Variants in PHF24 observed in about 807,000 individuals in gnomAD.
The protein encoded by PHF24 is PHD finger protein 24, also known as Galpha inhibitory interacting protein.
PHF24 carries 25 observed loss-of-function variants against 42.6 expected under a neutral mutation model. That is an observed-to-expected ratio of 0.59 (90% CI 0.43 to 0.82). The LOEUF is 0.82. PHF24 is among the 40% of genes least tolerant of loss of function. The probability of loss-of-function intolerance (pLI) is 0.00; values close to 1 mark genes in which losing one functional copy is unlikely to be tolerated. For missense variants in PHF24, 470 were observed against 538.1 expected (o/e 0.87, Z 1.25); for synonymous variants, 185 against 204.8 (o/e 0.90, Z 0.83).
chr9:34,892,884 G>T, the PHF24 span: 25 of 700,526 alleles, frequency 3.6e-5, no homozygotes, highest in Admixed American at 3.4e-4. Flanking sequence ...TCCATTAATT[G>T]TGACAGTGTT....
chr9:34,811,943 CAAGA>C, the PHF24 span, among the ~76,000 whole-genome samples: 1 of 152,096 alleles, frequency 6.6e-6, no homozygotes, highest in Non-Finnish European at 1.5e-5. Flanking sequence ...TACAACTCAA[CAAGA>C]AAGAAACAAC....
At chr9:34,759,039 A>G in the PHF24 span, among the ~76,000 whole-genome samples, 7 of 152,144 alleles carry the variant, frequency 4.6e-5, no homozygotes. Context: ...ACTGCAGTCA[A>G]ATCTTAGCTG....
At chr9:34,953,875 G>GC (rs1157212504), upstream of PHF24, among the ~76,000 whole-genome samples, 1 of 152,172 alleles carries the variant, frequency 6.6e-6, no homozygotes, top group Non-Finnish European at 1.5e-5. This position sits in a 1 kb window ranked among gnomAD's most constrained non-coding sequence, Gnocchi z 4.1. Context: ...GGTCAAGGCT[G>GC]CAGTGAGCTG....
the PHF24 span, chr9:34,723,281 C>T: frequency 5.3e-3 from 8,232 of 1,551,706 alleles, 31 homozygotes; most frequent in Non-Finnish European, 6.0e-3. Flanking sequence ...AGGACAGTGA[C>T]GAGGGCAGTG....
chr9:34,773,923 T>C, the PHF24 span, among the ~76,000 whole-genome samples: 17 of 152,296 alleles, frequency 1.1e-4, no homozygotes, highest in East Asian at 3.1e-3. Context: ...GAAAATAGCA[T>C]TGGGTAAAAA....
chr9:34,709,764 T>A, the PHF24 span: 2 of 1,614,068 alleles, frequency 1.2e-6, no homozygotes, highest in Admixed American at 1.7e-5. Context: ...CCCACCCCTT[T>A]GTGTCCACTC....
At chr9:34,832,735 C>T in the PHF24 span, 1 of 1,549,026 alleles carries the variant, frequency 6.5e-7, no homozygotes, top group Non-Finnish European at 8.7e-7. Context: ...CCATGTAAAA[C>T]TTGGCATTGC....
the PHF24 span, among the ~76,000 whole-genome samples, chr9:34,920,036 T>C: frequency 1.3e-5 from 2 of 152,162 alleles, no homozygotes; most frequent in African/African-American, 4.8e-5. Context: ...ATCTCTTTGA[T>C]GATATACTAA....
the PHF24 span, among the ~76,000 whole-genome samples, chr9:34,722,086 C>T: frequency 4.6e-5 from 7 of 152,154 alleles, no homozygotes; most frequent in African/African-American, 1.7e-4. Context: ...CTTTCTCACT[C>T]TCTCTGTATT....
chr9:34,737,478 C>T, the PHF24 span, among the ~76,000 whole-genome samples: 1 of 152,146 alleles, frequency 6.6e-6, no homozygotes, highest in South Asian at 2.1e-4. Context: ...CAGTTTTTGG[C>T]TACCATGAAT....
chr9:34,693,619 C>T, the PHF24 span, among the ~76,000 whole-genome samples: 1 of 152,096 alleles, frequency 6.6e-6, no homozygotes, highest in African/African-American at 2.4e-5. Flanking sequence ...AAACGAGCCT[C>T]AGGGATACCA....
the PHF24 span, among the ~76,000 whole-genome samples, chr9:34,918,985 T>G: frequency 6.6e-6 from 1 of 152,166 alleles, no homozygotes; most frequent in East Asian, 1.9e-4. Flanking sequence ...ATCAAAGTGT[T>G]TCAGAGTTTT....
At chr9:34,720,666 T>C in the PHF24 span, among the ~76,000 whole-genome samples, 1 of 152,004 alleles carries the variant, frequency 6.6e-6, no homozygotes, top group South Asian at 2.1e-4. Context: ...ATCCCACCCA[T>C]ATAACCTCCC....
intron 3 of PHF24, among the ~76,000 whole-genome samples, chr9:34,974,406 G>A (rs750095587): frequency 3.3e-5 from 5 of 152,076 alleles, no homozygotes; most frequent in Non-Finnish European, 5.9e-5. Flanking sequence ...GTATTTTTAT[G>A]AGAATTATTG....
chr9:34,878,673 G>A, the PHF24 span, among the ~76,000 whole-genome samples: 8 of 152,320 alleles, frequency 5.3e-5, no homozygotes, highest in African/African-American at 1.7e-4. Context: ...GGGGAGGGGC[G>A]TCCGCCATTG....
chr9:34,873,682 G>A, the PHF24 span, among the ~76,000 whole-genome samples: 140,949 of 146,762 alleles, frequency 0.96, 67,878 homozygotes, highest in East Asian at 1. Flanking sequence ...TGACTTGGTG[G>A]TGTGGGCTCT....
chr9:34,779,567 AAAG>A, the PHF24 span, among the ~76,000 whole-genome samples: 1 of 152,218 alleles, frequency 6.6e-6, no homozygotes. Context: ...CAATCTTGAA[AAAG>A]AAGAACAAAG....
the PHF24 span, among the ~76,000 whole-genome samples, chr9:34,845,024 A>G: frequency 1.3e-5 from 2 of 152,276 alleles, no homozygotes; most frequent in African/African-American, 2.4e-5. Context: ...CATATATGCT[A>G]TATTTACAAT....
At chr9:34,961,477 TA>T (rs1385102895) in intron 1 of PHF24, among the ~76,000 whole-genome samples, 1 of 152,224 alleles carries the variant, frequency 6.6e-6, no homozygotes, top group Non-Finnish European at 1.5e-5. Flanking sequence ...AAGTGCTACT[TA>T]CTTGCCAGGC....
Sources: gnomAD v4.1 joint callset for allele counts (sites outside exome capture counted in the v4.1 genomes callset) on GRCh38, gnomAD v4.1.1 for gene constraint, Gnocchi (gnomAD v3.1) non-coding constraint, MANE v1.5 for transcripts, NCBI Gene and HGNC (gene_info 2026-07-23, HGNC 2026-07-21) for gene names.